The following RNFT2 variants were observed in gnomAD, a reference collection of about 807,000 sequenced individuals.
RNFT2 encodes ring finger protein, transmembrane 2, also known as E3 ubiquitin-protein ligase RNFT2.
RNFT2 carries 36 observed loss-of-function variants against 53.0 expected under a neutral mutation model. The observed-to-expected ratio is 0.68, with a 90% confidence interval of 0.52 to 0.90. The LOEUF is 0.90. Among genes scored for constraint, RNFT2 ranks in the 40% least tolerant of loss-of-function variants. The pLI is 0.00. For missense variants in RNFT2, 514 were observed against 585.6 expected, an observed-to-expected ratio of 0.88 and a Z score of 1.26; for synonymous variants, 260 against 253.2, an observed-to-expected ratio of 1.03 and a Z score of -0.26.
chr12:116,834,791 T>C (rs1876872250), intron 8 of RNFT2, among the ~76,000 whole-genome samples: 1 of 152,080 alleles, frequency 6.6e-6, no homozygotes, highest in African/African-American at 2.4e-5. Context: ...GCTCACCATA[T>C]GATATTCTTT....
chr12:116,812,097 T>C (rs941917371), intron 7 of RNFT2, among the ~76,000 whole-genome samples: 3 of 152,142 alleles, frequency 2.0e-5, no homozygotes, highest in African/African-American at 7.2e-5. Flanking sequence ...GAGTTTTCAG[T>C]GCCTGCTCAA....
intron 6 of RNFT2, among the ~76,000 whole-genome samples, chr12:116,776,705 A>G (rs1410729967): frequency 6.6e-6 from 1 of 152,184 alleles, no homozygotes; most frequent in Non-Finnish European, 1.5e-5. Flanking sequence ...GAAAGCATCC[A>G]TTCTATGCTG....
chr12:116,815,972 C>G (rs1875636196), intron 7 of RNFT2, among the ~76,000 whole-genome samples: 1 of 152,152 alleles, frequency 6.6e-6, no homozygotes, highest in African/African-American at 2.4e-5. Context: ...TCCCTCCTTC[C>G]CTTGCACCTC....
chr12:116,776,022 A>G (rs6490091), intron 6 of RNFT2, among the ~76,000 whole-genome samples: 144,585 of 151,994 alleles, frequency 0.95, 68,817 homozygotes, highest in African/African-American at 0.97. Context: ...CAGCCTGGGC[A>G]ACAGAGCGAG....
chr12:116,758,003 T>C (rs2137085800), intron 5 of RNFT2, among the ~76,000 whole-genome samples: 1 of 152,314 alleles, frequency 6.6e-6, no homozygotes, highest in East Asian at 1.9e-4. Flanking sequence ...ATGTGGGAGC[T>C]CCAGTGTTAG....
At chr12:116,759,509 A>G (rs559343308) in intron 5 of RNFT2, among the ~76,000 whole-genome samples, 2 of 152,308 alleles carry the variant, frequency 1.3e-5, no homozygotes, top group South Asian at 4.1e-4. Context: ...CGGAAGGTCT[A>G]GGGCTGAAGG....
At chr12:116,787,703 A>G (rs1358564421) in intron 7 of RNFT2, among the ~76,000 whole-genome samples, 1 of 138,318 alleles carries the variant, frequency 7.2e-6, no homozygotes, top group African/African-American at 2.7e-5. Flanking sequence ...ATAGAGGGAC[A>G]TGTTGTCTCT....
At chr12:116,799,211 T>C (rs1874650615) in intron 7 of RNFT2, among the ~76,000 whole-genome samples, 1 of 152,212 alleles carries the variant, frequency 6.6e-6, no homozygotes, top group Non-Finnish European at 1.5e-5. Flanking sequence ...GCTCCAGTCC[T>C]TGTACACAGT....
In RNFT2 at chr12:116,787,838, T is replaced by A. The variant is rs77978738; in HGVS notation, c.882+8490T>A. On this transcript the variant is annotated intron_variant, in intron 7 of 10. Coordinates refer to ENST00000257575, the MANE Select transcript of RNFT2 (RefSeq NM_001382266.1). ...GGTCCCACCTCCCTGTCTGGCATCT[T>A]ACTTACTCATCCCTCTCCCTCTTTC... Among the ~76,000 whole-genome samples, 308 of 152,328 alleles carry A rather than the reference T, an allele frequency of 2.0e-3. 9 individuals are homozygous for A. The East Asian group carries it at 0.052, about 26-fold the overall frequency.
chr12:116,838,456 G>T (rs1007303356), intron 10 of RNFT2, among the ~76,000 whole-genome samples: 3 of 152,172 alleles, frequency 2.0e-5, no homozygotes, highest in Non-Finnish European at 4.4e-5. Flanking sequence ...AGTTTTGACA[G>T]TTATTGCTAA....
At chr12:116,751,407 T>C (rs1300158132) in intron 4 of RNFT2, among the ~76,000 whole-genome samples, 2 of 152,118 alleles carry the variant, frequency 1.3e-5, no homozygotes, top group Non-Finnish European at 2.9e-5. Flanking sequence ...TACTGTTTTC[T>C]GTTTGTTTGT....
rs1872107813 is a variant in RNFT2 at position 116,750,069 on chromosome 12, G to A, written c.312G>A (p.Gly104=). 1 of 1,546,652 alleles carries A rather than the reference G, an allele frequency of 6.5e-7. No homozygotes were observed. The highest frequency in any genetic ancestry group is 1.9e-5 in the Admixed American group (1 of 51,666). The change falls in exon 4 of 11, where the codon GGG becomes GGA. Residue 104 remains glycine, a synonymous_variant. Transcript: ENST00000257575. Reference sequence around the variant, plus strand: ...AGGAAGGAGGGGGCCGGGGCGAGGGGGGCGCCTACCACCACCGCCAGCCCC... The same window carrying A: ...AGGAAGGAGGGGGCCGGGGCGAGGGAGGCGCCTACCACCACCGCCAGCCCC... ...SREEGGGRGE[G]GAYHHRQPHH... is the part of the protein sequence containing the mutation.
At chr12:116,842,983 T>C (rs527856988) in intron 10 of RNFT2, among the ~76,000 whole-genome samples, 2 of 152,302 alleles carry the variant, frequency 1.3e-5, no homozygotes, top group East Asian at 1.9e-4. Flanking sequence ...CGGCTCACGC[T>C]GAACACCAAG....
chr12:116,742,241 G>C (rs539026454), intron 3 of RNFT2, among the ~76,000 whole-genome samples: 34 of 151,698 alleles, frequency 2.2e-4, no homozygotes, highest in African/African-American at 8.0e-4. Flanking sequence ...CATGTTGGTG[G>C]GCTCTGGGGT....
intron 7 of RNFT2, among the ~76,000 whole-genome samples, chr12:116,821,773 G>A (rs1245449203): frequency 1.4e-5 from 2 of 138,230 alleles, no homozygotes; most frequent in Non-Finnish European, 3.1e-5. Context: ...AGTCCTTGAA[G>A]CTATCCTCCT....
At position 116,753,110 on chromosome 12, in the gene RNFT2, A is replaced by ATGGCGTTG. The variant is rs563426111; in HGVS notation, c.551-872_551-865dup. Reference sequence around the variant, plus strand: ...ATTGAACATTAAACTTGAATTCCTTATGGCGTTGTAAGTTTTTTCTTTTTC... The same window carrying ATGGCGTTG: ...ATTGAACATTAAACTTGAATTCCTTATGGCGTTGTGGCGTTGTAAGTTTTTTCTTTTTC... On this transcript the variant is annotated intron_variant, in intron 4 of 10. Transcript: ENST00000257575. Among the ~76,000 whole-genome samples the ATGGCGTTG allele has an allele frequency of 3.5e-4, 46 of 131,376 alleles. No homozygotes were observed. The East Asian group carries it at 7.9e-3, about 23-fold the overall frequency. The allele number at this position is 131,376 out of a possible 152,430, so 86.2% of individuals were successfully genotyped here.
At chr12:116,767,035 C>G in intron 6 of RNFT2, 121 bp downstream of exon 6, 1 of 652,870 alleles carries the variant, frequency 1.5e-6, no homozygotes, top group South Asian at 1.9e-5. Flanking sequence ...CTTCCAAATT[C>G]CACCCTGCTG....
At chr12:116,744,225 C>CAAAA (rs5801197) in intron 3 of RNFT2, among the ~76,000 whole-genome samples, 5 of 99,996 alleles carry the variant, frequency 5.0e-5, no homozygotes, top group Admixed American at 1.1e-4. Flanking sequence ...GACTCCTCCT[C>CAAAA]AAAAAAAAAA....
At chr12:116,749,049 A>C (rs766691845) in intron 3 of RNFT2, among the ~76,000 whole-genome samples, 24 of 152,140 alleles carry the variant, frequency 1.6e-4, no homozygotes, top group Non-Finnish European at 2.8e-4. Flanking sequence ...TATTGTTATT[A>C]ATATTATTTG....
Sources: gnomAD v4.1 joint callset for allele counts (sites outside exome capture counted in the v4.1 genomes callset) on GRCh38, gnomAD v4.1.1 for gene constraint, MANE v1.5 for transcripts, NCBI Gene and HGNC (gene_info 2026-07-23, HGNC 2026-07-21) for gene names.